Variants in TAFA1 observed in about 807,000 individuals in gnomAD.
The protein encoded by TAFA1 is TAFA chemokine like family member 1.
Under a neutral mutation model 18.5 loss-of-function variants are expected in TAFA1, and 4 were observed. The ratio of observed to expected loss-of-function variants is 0.22; its 90% CI spans 0.11 to 0.49. The LOEUF is 0.49. Ranked by LOEUF, TAFA1 falls within the 20% of genes least tolerant of loss-of-function variation. The pLI is 0.98. For synonymous variants in TAFA1, 56 were observed against 55.2 expected (o/e 1.01, Z -0.06); for missense variants, 147 against 169.0 (o/e 0.87, Z 0.72).
rs571577176 is a variant in TAFA1 at position 68,078,646 on chromosome 3, T to C, written c.118+71902T>C. Among the ~76,000 whole-genome samples the C allele has an allele frequency of 2.9e-3, 440 of 152,156 alleles. 1 individual carries two copies. The highest frequency in any genetic ancestry group is 0.01 in the African/African-American group (430 of 41,502). On this transcript the variant is annotated intron_variant, in intron 2 of 4. Transcript: ENST00000478136. ...TTGTGTATATTGAACCAGCCTTGCA[T>C]CCCAGGGATGAAGCCCACTTGATCA...
intron 2 of TAFA1, among the ~76,000 whole-genome samples, chr3:68,178,005 G>A (rs551679655): frequency 6.6e-6 from 1 of 152,214 alleles, no homozygotes; most frequent in South Asian, 2.1e-4. Context: ...TTAGCCTGGT[G>A]TGGTGGTGGG....
At chr3:68,202,993 T>G (rs1180298728) in intron 2 of TAFA1, among the ~76,000 whole-genome samples, 1 of 151,790 alleles carries the variant, frequency 6.6e-6, no homozygotes, top group Non-Finnish European at 1.5e-5. Context: ...AAGGCATGTT[T>G]GCTGACTAAT....
chr3:68,156,661 A>G (rs1328512336), intron 2 of TAFA1, among the ~76,000 whole-genome samples: 5 of 152,160 alleles, frequency 3.3e-5, no homozygotes, highest in Non-Finnish European at 7.3e-5. Flanking sequence ...AGTGACCTAC[A>G]TTTTGAATTG....
chr3:68,346,961 C>G (rs2069173487), intron 2 of TAFA1, among the ~76,000 whole-genome samples: 1 of 152,138 alleles, frequency 6.6e-6, no homozygotes, highest in African/African-American at 2.4e-5. Context: ...TAAGATCTTT[C>G]TATGAGGGAA....
chr3:68,387,197 G>C (rs1402405491), intron 2 of TAFA1, among the ~76,000 whole-genome samples: 1 of 152,000 alleles, frequency 6.6e-6, no homozygotes, highest in Admixed American at 6.6e-5. Flanking sequence ...AGGACTAAAA[G>C]TTCTGGTGAC....
chr3:68,039,782 G>A (rs539560597), intron 2 of TAFA1, among the ~76,000 whole-genome samples: 1 of 152,292 alleles, frequency 6.6e-6, no homozygotes, highest in South Asian at 2.1e-4. Flanking sequence ...GCTTCCATAA[G>A]TGAGTTGCTG....
chr3:68,323,024 C>G (rs762257635), intron 2 of TAFA1, among the ~76,000 whole-genome samples: 1 of 152,178 alleles, frequency 6.6e-6, no homozygotes, highest in Non-Finnish European at 1.5e-5. Context: ...AAATCAGGAC[C>G]AGTTGTGGTC....
At chr3:68,101,437 T>A (rs781137301) in intron 2 of TAFA1, among the ~76,000 whole-genome samples, 2 of 152,054 alleles carry the variant, frequency 1.3e-5, no homozygotes, top group Non-Finnish European at 2.9e-5. Flanking sequence ...CCAACCCAAA[T>A]GTCCAACAAT....
At position 68,250,887 on chromosome 3, in the gene TAFA1, G is replaced by A. The variant is rs559740496; in HGVS notation, c.119-166393G>A. The A allele has an allele frequency of 1.8e-4, 27 of 151,724 alleles. No homozygotes were observed. In the South Asian group the frequency reaches 5.6e-3, roughly 32 times the overall value. 9.4% of individuals were successfully genotyped at this position (151,724 alleles called of 1,614,324 possible). A position where few individuals can be genotyped will look rare whatever the true frequency, so the allele number is the denominator to read the frequency against. ...AGGGATATAATTACCTACAAAATCA[G>A]CAAAGGAACCCTATTTCTCTTATGG... On this transcript the variant is annotated intron_variant, in intron 2 of 4. Coordinates refer to ENST00000478136, the MANE Select transcript of TAFA1 (RefSeq NM_213609.4).
chr3:67,997,093 T>C, the TAFA1 span, among the ~76,000 whole-genome samples: 1 of 151,732 alleles, frequency 6.6e-6, no homozygotes, highest in Non-Finnish European at 1.5e-5. Flanking sequence ...GGAAGGGAAA[T>C]GGTAGGTAGA....
chr3:68,375,956 G>T lies in TAFA1; in HGVS notation c.119-41324G>T, dbSNP rs534172029. Among the ~76,000 whole-genome samples, 8 of 152,232 alleles carry T rather than the reference G, an allele frequency of 5.3e-5. No individual in the cohort carries two copies. In the East Asian group the frequency reaches 1.2e-3, roughly 22 times the overall value. On this transcript the variant is annotated intron_variant, in intron 2 of 4. Coordinates refer to ENST00000478136, the MANE Select transcript of TAFA1 (RefSeq NM_213609.4). ...TATATATTTTTAAAGCCTTCGAAAG[G>T]CACAGCCAGAGAGTTTTTAAGAACC...
intron 3 of TAFA1, among the ~76,000 whole-genome samples, chr3:68,448,607 AT>A (rs1452096430): frequency 0.018 from 2,645 of 145,392 alleles, 60 homozygotes; most frequent in African/African-American, 0.059. Context: ...GAAAGAGGTG[AT>A]TTTTTTTTTT....
At chr3:68,111,560 C>T (rs1416401576) in intron 2 of TAFA1, among the ~76,000 whole-genome samples, 1 of 151,854 alleles carries the variant, frequency 6.6e-6, no homozygotes, top group African/African-American at 2.4e-5. Context: ...ATATATAATA[C>T]TTACAGCATA....
chr3:68,283,045 G>A (rs1028527458), intron 2 of TAFA1, among the ~76,000 whole-genome samples: 4 of 152,152 alleles, frequency 2.6e-5, no homozygotes, highest in Non-Finnish European at 5.9e-5. Flanking sequence ...CTTTATGGCT[G>A]ATTTTGGAAG....
intron 2 of TAFA1, among the ~76,000 whole-genome samples, chr3:68,365,016 G>A (rs2069539200): frequency 1.3e-5 from 2 of 152,142 alleles, no homozygotes; most frequent in African/African-American, 4.8e-5. Context: ...GGGACCTTAT[G>A]ATTTTGACCT....
At chr3:68,404,985 G>A (rs947574903) in intron 2 of TAFA1, among the ~76,000 whole-genome samples, 1 of 151,942 alleles carries the variant, frequency 6.6e-6, no homozygotes, top group Non-Finnish European at 1.5e-5. Context: ...CAAAAATGTT[G>A]TTCCATTTTT....
At chr3:68,054,571 T>C (rs1447688443) in intron 2 of TAFA1, among the ~76,000 whole-genome samples, 2 of 152,242 alleles carry the variant, frequency 1.3e-5, no homozygotes, top group African/African-American at 2.4e-5. Flanking sequence ...GGACCAAATC[T>C]GATGTGCTGT....
chr3:68,042,607 C>G (rs1575588219), intron 2 of TAFA1, among the ~76,000 whole-genome samples: 2 of 152,268 alleles, frequency 1.3e-5, no homozygotes, highest in Admixed American at 1.3e-4. Context: ...CAAGGTTGTG[C>G]CATTGCAGTC....
At chr3:68,208,139 TCACTGCTGTATGAAGGATATGGA>T (rs1275747411) in intron 2 of TAFA1, among the ~76,000 whole-genome samples, 2 of 151,998 alleles carry the variant, frequency 1.3e-5, no homozygotes, top group African/African-American at 4.8e-5. Flanking sequence ...TAAGATGTAA[TCACTGCTGTATGAAGGATATGGA>T]CGTTTGGAAG....
Sources: allele counts gnomAD v4.1 joint callset (sites outside exome capture counted in the v4.1 genomes callset), GRCh38; gene constraint gnomAD v4.1.1; transcripts MANE v1.5; gene names NCBI Gene and HGNC (gene_info 2026-07-23, HGNC 2026-07-21).